CHRNA2: variants seen among roughly 807,000 people sequenced by gnomAD.
The protein encoded by CHRNA2 is neuronal acetylcholine receptor subunit alpha-2.
A neutral mutation model predicts 45.5 loss-of-function variants in CHRNA2; 40 were observed. The ratio of observed to expected loss-of-function variants is 0.88; its 90% CI spans 0.68 to 1.15. The LOEUF is 1.15. Ranked by LOEUF, CHRNA2 falls within the 50% of genes most tolerant of loss-of-function variation. The probability of loss-of-function intolerance (pLI) is 0.00; values close to 1 mark genes in which losing one functional copy is unlikely to be tolerated. For synonymous variants in CHRNA2, 301 were observed against 296.7 expected (o/e 1.01, Z -0.15); for missense variants, 655 against 701.7 (o/e 0.93, Z 0.75).
At chr8:27,461,849 C>T in intron 6 of CHRNA2, 95 bp from the exon 7 acceptor site, 1 of 1,561,032 alleles carries the variant, frequency 6.4e-7, no homozygotes, top group African/African-American at 1.3e-5. Context: ...CCACTGGGGG[C>T]AGCAGCAACT....
intron 1 of CHRNA2, among the ~76,000 whole-genome samples, chr8:27,474,699 A>G (rs941285062): frequency 6.6e-6 from 1 of 152,276 alleles, no homozygotes; most frequent in Non-Finnish European, 1.5e-5. Context: ...CTGTTCACAC[A>G]GCAAACCCTG....
intron 5 of CHRNA2, among the ~76,000 whole-genome samples, chr8:27,466,974 C>T (rs766209846): frequency 3.9e-5 from 6 of 152,314 alleles, no homozygotes; most frequent in African/African-American, 1.4e-4. Flanking sequence ...TCAGTATGGA[C>T]AAATCTCTGT....
rs767656036 is a variant in CHRNA2 at position 27,463,406 on chromosome 8, G to T, written c.1037C>A (p.Thr346Asn). 8.1e-6 allele frequency: 13 copies of T among 1,614,062 alleles called. No homozygotes were observed. In the Admixed American group the frequency reaches 2.0e-4, roughly 25 times the overall value. The change falls in exon 6 of 7, where the codon ACC (threonine) becomes AAC (asparagine). Residue 346 changes from threonine (T) to asparagine (N), a missense_variant. Transcript: ENST00000407991. The surrounding 1 kb of genome is among the most constrained non-coding windows in gnomAD (Gnocchi z 6.1). The stretch of plus-strand genomic sequence containing the variant: ...GTGGTGCACATTGAGCACGAAGACG[G>T]TGATGACGATGGACAGGGTGACGAA... Reference protein sequence around the residue: ...MIFVTLSIVITVFVLNVHHRS... With the variant: ...MIFVTLSIVINVFVLNVHHRS...
chr8:27,473,000 A>G (rs1284599428), intron 1 of CHRNA2, among the ~76,000 whole-genome samples: 1 of 152,186 alleles, frequency 6.6e-6, no homozygotes, highest in Non-Finnish European at 1.5e-5. Context: ...TATGAAATGA[A>G]TGTTTCATAA....
At position 27,469,743 on chromosome 8, in the gene CHRNA2, G is replaced by A. The variant is rs1400977902; in HGVS notation, c.294+18C>T. 8 of 1,613,918 alleles carry A rather than the reference G, an allele frequency of 5.0e-6. No individual in the cohort carries two copies. The highest frequency in any genetic ancestry group is 6.8e-6 in the Non-Finnish European group (8 of 1,179,854). ...TGGGATCTCCTTCCTCGGGCCAGCG[G>A]TGGGAAGACAGGCGCACCACATCGA... On this transcript the variant is annotated intron_variant, in intron 3 of 6. Coordinates refer to ENST00000407991, the MANE Select transcript of CHRNA2 (RefSeq NM_000742.4).
chr8:27,463,158 C>T lies in CHRNA2; in HGVS notation c.1285G>A (p.Val429Met). The T allele has an allele frequency of 6.9e-6, 11 of 1,600,606 alleles. No homozygotes were observed. Among genetic ancestry groups the T allele is most frequent in the Non-Finnish European group, 9.4e-6 (11 of 1,170,072 alleles). The stretch of plus-strand genomic sequence containing the variant: ...CAGAGGGTGCCCACAGAGGGGGCCA[C>T]ATGACCTGCACATGCCCATCTGTCC... ...EEDRWACAGH[V>M]APSVGTLCSH... The change falls in exon 6 of 7, where the codon GTG becomes ATG. Residue 429 changes from valine to methionine, a missense_variant. This residue lies in a region of CHRNA2 where 295 missense variants were observed against 280.4 expected (regional missense o/e 1.05). Transcript: ENST00000407991. The surrounding 1 kb of genome is among the most constrained non-coding windows in gnomAD (Gnocchi z 6.1).
At chr8:27,471,284 A>C in intron 1 of CHRNA2, 90 bp from the exon 2 acceptor site, 1 of 506,504 alleles carries the variant, frequency 2.0e-6, no homozygotes, top group South Asian at 2.0e-5. Flanking sequence ...GCATGAAATG[A>C]GAGCAAAAGG....
At position 27,463,336 on chromosome 8, in the gene CHRNA2, G is replaced by A. The variant is rs1300324831; in HGVS notation, c.1107C>T (p.Ala369=). Residue 369 remains alanine, a synonymous_variant, in exon 6 of 7, where the codon GCC becomes GCT. Coordinates refer to ENST00000407991, the MANE Select transcript of CHRNA2 (RefSeq NM_000742.4). This position sits in a 1 kb window ranked among gnomAD's most constrained non-coding sequence, Gnocchi z 6.1. ...GCCACCGGGGCACACAGCCCAGAAG[G>A]GCCCCCCGCACCCAGTGGGGCATGG... The part of the protein sequence containing the change: ...THTMPHWVRG[A]LLGCVPRWLL... The A allele has an allele frequency of 1.2e-6, 2 of 1,613,784 alleles. No homozygotes were observed. Among genetic ancestry groups the A allele is most frequent in the Non-Finnish European group, 8.5e-7 (1 of 1,179,916 alleles).
chr8:27,464,162 C>A (rs903822134), intron 5 of CHRNA2, among the ~76,000 whole-genome samples, 169 bp from the exon 6 acceptor site: 9 of 152,064 alleles, frequency 5.9e-5, no homozygotes, highest in Non-Finnish European at 1.0e-4. Flanking sequence ...ACATTTATAG[C>A]CACTGAGCTG....
At chr8:27,464,629 T>C (rs1259179576) in intron 5 of CHRNA2, among the ~76,000 whole-genome samples, 1 of 152,120 alleles carries the variant, frequency 6.6e-6, no homozygotes, top group Non-Finnish European at 1.5e-5. Context: ...GATCATTTAA[T>C]ATATTAGAGT....
intron 4 of CHRNA2, among the ~76,000 whole-genome samples, chr8:27,467,940 G>A (rs757325614): frequency 1.3e-5 from 2 of 152,046 alleles, no homozygotes; most frequent in Admixed American, 1.3e-4. Context: ...CTCCACCGAC[G>A]CAGGTCCAAA....
At chr8:27,477,235 A>C (rs1249425085) in intron 1 of CHRNA2, 1 of 152,206 alleles carries the variant, frequency 6.6e-6, no homozygotes, top group African/African-American at 2.4e-5. Flanking sequence ...AGGTCTGTTG[A>C]GGACAAGTGA....
chr8:27,473,526 C>CA (rs1426756745), intron 1 of CHRNA2, among the ~76,000 whole-genome samples: 6 of 115,938 alleles, frequency 5.2e-5, no homozygotes, highest in African/African-American at 1.3e-4. Context: ...ATAGTGAGAC[C>CA]CCCCCCGCCG....
intron 2 of CHRNA2, among the ~76,000 whole-genome samples, chr8:27,470,530 G>A (rs112997841): frequency 1.3e-5 from 2 of 152,168 alleles, no homozygotes; most frequent in Non-Finnish European, 2.9e-5. Context: ...CTATGGCATC[G>A]CTCATGTCAG....
chr8:27,477,882 G>C (rs764240910), intron 1 of CHRNA2, among the ~76,000 whole-genome samples: 6 of 152,118 alleles, frequency 3.9e-5, no homozygotes, highest in Non-Finnish European at 8.8e-5. Context: ...CACTGGGCTT[G>C]TGTCGCTGCT....
chr8:27,477,439 G>A (rs1457943836), intron 1 of CHRNA2, among the ~76,000 whole-genome samples: 5 of 152,052 alleles, frequency 3.3e-5, no homozygotes, highest in African/African-American at 4.8e-5. Flanking sequence ...CCATTAGTGA[G>A]AATAGGAATC....
intron 2 of CHRNA2, among the ~76,000 whole-genome samples, chr8:27,470,590 C>T (rs1233898961): frequency 2.0e-5 from 3 of 152,190 alleles, no homozygotes; most frequent in South Asian, 2.1e-4. Context: ...CTCTGCTGTC[C>T]GAGCGAGTCG....
chr8:27,471,629 G>A (rs1008926227), intron 1 of CHRNA2, among the ~76,000 whole-genome samples: 13 of 152,206 alleles, frequency 8.5e-5, no homozygotes, highest in African/African-American at 1.2e-4. Context: ...TCCTTACAAC[G>A]GAACATGATG....
intron 5 of CHRNA2, among the ~76,000 whole-genome samples, chr8:27,465,893 A>T (rs1367873456): frequency 1.3e-5 from 2 of 152,186 alleles, no homozygotes; most frequent in Non-Finnish European, 2.9e-5. Flanking sequence ...TGTAAGCAAG[A>T]CTTCGGCTTG....
Sources: allele counts gnomAD v4.1 joint callset (sites outside exome capture counted in the v4.1 genomes callset), GRCh38; gene constraint gnomAD v4.1.1; regional missense constraint gnomAD v4.1.1; non-coding constraint Gnocchi (gnomAD v3.1); transcripts MANE v1.5; gene names NCBI Gene and HGNC (gene_info 2026-07-23, HGNC 2026-07-21).